MIPOL1: variants seen among roughly 807,000 people sequenced by gnomAD.
MIPOL1 encodes the protein mirror-image polydactyly 1, also known as mirror-image polydactyly gene 1 protein.
A neutral mutation model predicts 60.9 loss-of-function variants in MIPOL1; 57 were observed. That is an observed-to-expected ratio of 0.94 (90% confidence interval 0.76 to 1.17). The LOEUF is 1.17. Ranked by LOEUF, MIPOL1 falls within the 50% of genes most tolerant of loss-of-function variation. The pLI is 0.00. For missense variants in MIPOL1, 551 were observed against 511.6 expected (o/e 1.08, Z -0.74); for synonymous variants, 179 against 168.8 (o/e 1.06, Z -0.47).
In MIPOL1 at chr14:37,478,286, A is replaced by T. The variant is rs2094808475; in HGVS notation, c.1032-21622A>T. ...TGTAATAGTGTACTGGTCATGAAAC[A>T]AGCAAAGATCTAGCACAATGAACTG... On this transcript the variant is annotated intron_variant, in intron 11 of 12. Transcript: ENST00000684589. Among the ~76,000 whole-genome samples, 3 of 152,350 alleles carry T rather than the reference A, an allele frequency of 2.0e-5. No homozygotes were observed. In the South Asian group the frequency reaches 6.2e-4, roughly 32 times the overall value.
chr14:37,236,763 CTTG>C (rs1431696349), intron 1 of MIPOL1, among the ~76,000 whole-genome samples: 1 of 152,040 alleles, frequency 6.6e-6, no homozygotes, highest in African/African-American at 2.4e-5. Context: ...CACTCTGTTC[CTTG>C]TTGTGTGTGA....
At chr14:37,207,127 C>A (rs1447961844) in intron 1 of MIPOL1, among the ~76,000 whole-genome samples, 4 of 152,298 alleles carry the variant, frequency 2.6e-5, no homozygotes, top group South Asian at 2.1e-4. Flanking sequence ...CCACTCAAAT[C>A]TCATCTTGAA....
At chr14:37,252,900 GAGA>G (rs772299016) in intron 3 of MIPOL1, among the ~76,000 whole-genome samples, 1 of 151,758 alleles carries the variant, frequency 6.6e-6, no homozygotes, top group Non-Finnish European at 1.5e-5. Context: ...GTTTAAGGCG[GAGA>G]AGAAGGAAAT....
intron 11 of MIPOL1, among the ~76,000 whole-genome samples, chr14:37,486,180 G>T (rs1477669895): frequency 6.6e-6 from 1 of 152,014 alleles, no homozygotes; most frequent in Non-Finnish European, 1.5e-5. Flanking sequence ...TGTTTGTTCT[G>T]TTTCATTCGT....
chr14:37,287,329 C>T (rs928903337), intron 7 of MIPOL1, among the ~76,000 whole-genome samples: 1 of 152,052 alleles, frequency 6.6e-6, no homozygotes, highest in Non-Finnish European at 1.5e-5. Flanking sequence ...TCATTGCAGA[C>T]TTGAACTGGG....
chr14:37,231,134 G>T lies in MIPOL1; in HGVS notation c.-198-15969G>T, dbSNP rs145541924. ...TTTTGAGACAAGGTCTTGCTGTATC[G>T]CCCAGGCTGGAGTGCAGTGGTGTGA... is the stretch of plus-strand genomic sequence containing the variant. On this transcript the variant is annotated intron_variant, in intron 1 of 12. Transcript: ENST00000684589. Among the ~76,000 whole-genome samples the T allele has an allele frequency of 2.6e-3, 393 of 151,960 alleles. 1 individual carries two copies. The highest frequency in any genetic ancestry group is 9.3e-3 in the African/African-American group (384 of 41,458).
intron 10 of MIPOL1, among the ~76,000 whole-genome samples, chr14:37,410,117 A>G (rs756086818): frequency 6.6e-6 from 1 of 152,232 alleles, no homozygotes; most frequent in Non-Finnish European, 1.5e-5. Context: ...CTAACATAAA[A>G]TTATAAAAGT....
intron 12 of MIPOL1, chr14:37,502,904 T>G (rs932629666): frequency 4.6e-5 from 7 of 152,122 alleles, no homozygotes; most frequent in Non-Finnish European, 8.8e-5. Context: ...CTAACTAGAA[T>G]AAACAGTGTA....
At chr14:37,508,891 C>A (rs2095303319) in intron 12 of MIPOL1, among the ~76,000 whole-genome samples, 1 of 152,022 alleles carries the variant, frequency 6.6e-6, no homozygotes, top group African/African-American at 2.4e-5. Context: ...GAATATTTAT[C>A]CTACTTGAAC....
chr14:37,345,257 CA>C (rs199873150), intron 9 of MIPOL1, among the ~76,000 whole-genome samples: 779 of 9,560 alleles, frequency 0.081, 7 homozygotes, highest in African/African-American at 0.11. Flanking sequence ...GTGCACGCCA[CA>C]ATGTCTGGCT....
At chr14:37,521,093 C>T (rs1238364653) in intron 12 of MIPOL1, among the ~76,000 whole-genome samples, 6 of 151,598 alleles carry the variant, frequency 4.0e-5, no homozygotes, top group South Asian at 2.1e-4. Context: ...CCAGCCACCA[C>T]GCCTGGCTAA....
chr14:37,447,283 G>A (rs2094352094), intron 11 of MIPOL1, among the ~76,000 whole-genome samples: 1 of 151,920 alleles, frequency 6.6e-6, no homozygotes, highest in Non-Finnish European at 1.5e-5. Context: ...CATGACTGTT[G>A]CTTTTTCTTA....
At chr14:37,367,182 G>A (rs1472545780) in intron 9 of MIPOL1, among the ~76,000 whole-genome samples, 1 of 150,600 alleles carries the variant, frequency 6.6e-6, no homozygotes, top group African/African-American at 2.4e-5. Flanking sequence ...CAATCCCATT[G>A]CTTCAAAATA....
intron 9 of MIPOL1, among the ~76,000 whole-genome samples, chr14:37,352,226 G>A (rs1290939563): frequency 5.8e-4 from 7 of 12,014 alleles, no homozygotes; most frequent in South Asian, 4.2e-3. Flanking sequence ...GATATGCGGC[G>A]TTATTTCTGA....
chr14:37,439,994 C>T (rs143292791), intron 11 of MIPOL1, among the ~76,000 whole-genome samples: 1 of 152,248 alleles, frequency 6.6e-6, no homozygotes, highest in African/African-American at 2.4e-5. Context: ...GCTCACGCCA[C>T]CATGCCTGGC....
intron 7 of MIPOL1, among the ~76,000 whole-genome samples, chr14:37,286,308 C>T (rs1286104858): frequency 6.6e-6 from 1 of 152,158 alleles, no homozygotes; most frequent in Non-Finnish European, 1.5e-5. Context: ...GAAATATGTA[C>T]TTTTCAAATT....
At chr14:37,424,695 CA>C (rs2153553694) in intron 11 of MIPOL1, among the ~76,000 whole-genome samples, 1 of 152,266 alleles carries the variant, frequency 6.6e-6, no homozygotes, top group South Asian at 2.1e-4. Flanking sequence ...TTTGCTTTTG[CA>C]ATTAGAATTA....
chr14:37,425,754 T>C (rs970524161), intron 11 of MIPOL1, among the ~76,000 whole-genome samples: 1 of 152,152 alleles, frequency 6.6e-6, no homozygotes, highest in Non-Finnish European at 1.5e-5. Context: ...AATATATCAC[T>C]GAAACCAAAG....
At chr14:37,359,889 TCTTGTG>T (rs2092119550) in intron 9 of MIPOL1, among the ~76,000 whole-genome samples, 1 of 152,200 alleles carries the variant, frequency 6.6e-6, no homozygotes, top group African/African-American at 2.4e-5. Context: ...GGCATCCTTG[TCTTGTG>T]CCGGTTTTCA....
Sources: gnomAD v4.1 joint callset for allele counts (sites outside exome capture counted in the v4.1 genomes callset) on GRCh38, gnomAD v4.1.1 for gene constraint, MANE v1.5 for transcripts, NCBI Gene and HGNC (gene_info 2026-07-23, HGNC 2026-07-21) for gene names.